CCDC91: variants seen among roughly 807,000 people sequenced by gnomAD.
CCDC91 encodes coiled-coil domain containing 91, also known as coiled-coil domain-containing protein 91.
CCDC91 carries 48 observed loss-of-function variants against 63.2 expected under a neutral mutation model. That is an observed-to-expected ratio of 0.76 (90% CI 0.60 to 0.97). The LOEUF is 0.97. CCDC91 is among the 50% of genes least tolerant of loss of function. CCDC91 has a pLI of 0.00. For synonymous variants in CCDC91, 167 were observed against 165.8 expected (o/e 1.01, Z -0.06); for missense variants, 500 against 494.6 (o/e 1.01, Z -0.10).
intron 11 of CCDC91, among the ~76,000 whole-genome samples, chr12:28,478,056 A>C (rs1951215635): frequency 6.6e-6 from 1 of 152,214 alleles, no homozygotes; most frequent in African/African-American, 2.4e-5. Flanking sequence ...TTATAGATTC[A>C]ATGCCATCTC....
chr12:28,315,165 A>G (rs1042511236), intron 6 of CCDC91, among the ~76,000 whole-genome samples: 1 of 150,950 alleles, frequency 6.6e-6, no homozygotes, highest in African/African-American at 2.4e-5. Flanking sequence ...ATATATATAT[A>G]TATATATTTT....
intron 12 of CCDC91, among the ~76,000 whole-genome samples, chr12:28,531,691 A>G (rs909606973): frequency 2.0e-5 from 3 of 152,292 alleles, no homozygotes; most frequent in African/African-American, 4.8e-5. Context: ...TTTTGGAGCA[A>G]TTGCTAAAAT....
intron 6 of CCDC91, among the ~76,000 whole-genome samples, chr12:28,351,658 A>G (rs773967113): frequency 2.7e-4 from 40 of 148,834 alleles, no homozygotes; most frequent in Non-Finnish European, 4.9e-4. Context: ...CCGTAGATCT[A>G]ACCTCAGGTC....
At chr12:28,528,338 C>T (rs1941451985) in intron 12 of CCDC91, among the ~76,000 whole-genome samples, 2 of 152,172 alleles carry the variant, frequency 1.3e-5, no homozygotes, top group Non-Finnish European at 2.9e-5. Flanking sequence ...TCCCTTGGCT[C>T]TCTAAATTGA....
At chr12:28,320,430 A>T (rs148566144) in intron 6 of CCDC91, among the ~76,000 whole-genome samples, 58 of 151,978 alleles carry the variant, frequency 3.8e-4, no homozygotes, top group African/African-American at 1.4e-3. Context: ...ATAGGAAAAC[A>T]TGGACTTACA....
At chr12:28,460,501 G>C (rs10843178) in intron 11 of CCDC91, among the ~76,000 whole-genome samples, 31,726 of 152,036 alleles carry the variant, frequency 0.21, 4,342 homozygotes, top group Non-Finnish European at 0.31. Context: ...ACTTTCAGAT[G>C]TCTAAATGGG....
intron 7 of CCDC91, among the ~76,000 whole-genome samples, chr12:28,363,622 G>A (rs574611086): frequency 3.9e-5 from 6 of 152,264 alleles, no homozygotes; most frequent in African/African-American, 1.2e-4. Context: ...GGTGGCTCAC[G>A]CCTGTAATCC....
At chr12:28,366,794 T>A (rs1592446019) in intron 7 of CCDC91, among the ~76,000 whole-genome samples, 1 of 152,022 alleles carries the variant, frequency 6.6e-6, no homozygotes, top group Non-Finnish European at 1.5e-5. Flanking sequence ...CAGTGGATGG[T>A]TTGTGGGGAA....
At chr12:28,440,888 G>C (rs894280704) in intron 8 of CCDC91, among the ~76,000 whole-genome samples, 1 of 151,300 alleles carries the variant, frequency 6.6e-6, no homozygotes, top group Non-Finnish European at 1.5e-5. Flanking sequence ...GTGAAACCCT[G>C]TCTCTACTAA....
intron 8 of CCDC91, among the ~76,000 whole-genome samples, chr12:28,403,493 G>A (rs1263788835): frequency 6.6e-6 from 1 of 152,054 alleles, no homozygotes; most frequent in Non-Finnish European, 1.5e-5. Flanking sequence ...AGAGATAAGG[G>A]ATGTCTCTGG....
intron 8 of CCDC91, among the ~76,000 whole-genome samples, chr12:28,421,288 A>T: frequency 6.6e-6 from 1 of 152,028 alleles, no homozygotes; most frequent in East Asian, 1.9e-4. Flanking sequence ...GGGATTTGGT[A>T]TATAGATTAT....
At chr12:28,535,438 CAA>C (rs2141692245) in intron 12 of CCDC91, among the ~76,000 whole-genome samples, 1 of 152,270 alleles carries the variant, frequency 6.6e-6, no homozygotes, top group African/African-American at 2.4e-5. Context: ...CAGAAGAAGA[CAA>C]AGAGTTTCAG....
chr12:28,268,811 A>G (rs1387414313), intron 3 of CCDC91: 4 of 253,316 alleles, frequency 1.6e-5, no homozygotes, highest in African/African-American at 2.3e-5. Context: ...AAAATTTTTG[A>G]ATCTGACCTC....
intron 8 of CCDC91, among the ~76,000 whole-genome samples, chr12:28,405,614 C>G (rs1946888145): frequency 6.6e-6 from 1 of 152,138 alleles, no homozygotes. Flanking sequence ...TTAGCCTCAG[C>G]TTAAAGGTAC....
chr12:28,484,139 A>G lies in CCDC91; in HGVS notation c.1189A>G (p.Ile397Val), dbSNP rs767211565. The G allele has an allele frequency of 6.2e-7, 1 of 1,607,280 alleles. No individual in the cohort carries two copies. Among genetic ancestry groups the G allele is most frequent in the Non-Finnish European group, 8.5e-7 (1 of 1,175,972 alleles). Residue 397 changes from isoleucine to valine, a missense_variant, in exon 12 of 13, where the codon ATA becomes GTA. By Grantham distance (29) the Ile-to-Val change is conservative. Transcript: ENST00000536442. ...AGTGAAAAGAACAAGAGATGAATTGATAGAGTATATAAAAGAACAGAAAAG... is the reference window on the plus strand; with the variant it reads ...AGTGAAAAGAACAAGAGATGAATTGGTAGAGTATATAAAAGAACAGAAAAG... The part of the protein sequence containing the change: ...EAVKRTRDEL[I>V]EYIKEQKRLD...
At chr12:28,199,218 G>A (rs541467529) in intron 1 of CCDC91, among the ~76,000 whole-genome samples, 7 of 151,914 alleles carry the variant, frequency 4.6e-5, no homozygotes, top group Admixed American at 1.3e-4. Flanking sequence ...CGGCCTTGAC[G>A]TTTCTTTTAC....
intron 6 of CCDC91, among the ~76,000 whole-genome samples, chr12:28,326,350 G>A (rs1227820183): frequency 2.0e-5 from 3 of 150,854 alleles, no homozygotes; most frequent in African/African-American, 7.3e-5. Context: ...TTTAATGTTT[G>A]AATGATTTTT....
At chr12:28,417,029 C>T (rs976133783) in intron 8 of CCDC91, among the ~76,000 whole-genome samples, 12 of 152,176 alleles carry the variant, frequency 7.9e-5, no homozygotes, top group Admixed American at 7.9e-4. Flanking sequence ...CTCTCTACCA[C>T]TCCTCCTCTT....
intron 1 of CCDC91, among the ~76,000 whole-genome samples, chr12:28,250,439 T>C (rs1279825181): frequency 6.6e-6 from 1 of 152,178 alleles, no homozygotes; most frequent in African/African-American, 2.4e-5. Context: ...GCAATACTTC[T>C]TTAATTCAGC....
Sources: allele counts gnomAD v4.1 joint callset (sites outside exome capture counted in the v4.1 genomes callset), GRCh38; gene constraint gnomAD v4.1.1; transcripts MANE v1.5; gene names NCBI Gene and HGNC (gene_info 2026-07-23, HGNC 2026-07-21).